SAP30BP: variants seen among roughly 807,000 people sequenced by gnomAD.
SAP30BP encodes the protein SAP30-binding protein.
Under a neutral mutation model 46.3 loss-of-function variants are expected in SAP30BP, and 31 were observed. The ratio of observed to expected loss-of-function variants is 0.67; its 90% CI spans 0.50 to 0.90. The LOEUF (loss-of-function observed/expected upper bound fraction) is 0.90, where lower values mean the gene tolerates loss of function less well. SAP30BP is among the 40% of genes least tolerant of loss of function. The probability of loss-of-function intolerance (pLI) is 0.00; values close to 1 mark genes in which losing one functional copy is unlikely to be tolerated. For synonymous variants in SAP30BP, 169 were observed against 144.2 expected (o/e 1.17, Z -1.23); for missense variants, 312 against 391.0 (o/e 0.80, Z 1.70).
Position 75,667,381 on chromosome 17 carries a change from G to T in SAP30BP, c.9G>T (p.Gly3=). The change falls in exon 1 of 11, where the codon GGG becomes GGT. Residue 3 remains glycine, a synonymous_variant. Coordinates refer to ENST00000584667, the MANE Select transcript of SAP30BP (RefSeq NM_013260.8). The stretch of plus-strand genomic sequence containing the variant: ...CGGGCTGTGGGAATAAGATGGCGGG[G>T]AAGAAGAATGTTCTGTCGTCTCTCG... The part of the protein sequence containing the change: MA[G]KKNVLSSLAV... The T allele has an allele frequency of 6.2e-7, 1 of 1,614,226 alleles. No individual in the cohort carries two copies. The highest frequency in any genetic ancestry group is 2.2e-5 in the East Asian group (1 of 44,888).
rs1201117707 is a variant in SAP30BP, at chr17:75,706,124, C to T, written c.745+32C>T. The T allele has an allele frequency of 2.5e-6, 4 of 1,598,346 alleles. No homozygotes were observed. Among genetic ancestry groups the T allele is most frequent in the Middle Eastern group, 3.3e-4 (2 of 6,068 alleles). ...TGCAGAGCTGCCCTGCCTCCTGCCACACACATGGAGCCAGGGTCTCCCTGG... is the reference window on the plus strand; with the variant it reads ...TGCAGAGCTGCCCTGCCTCCTGCCATACACATGGAGCCAGGGTCTCCCTGG... On this transcript the variant is annotated intron_variant, in intron 10 of 10. Coordinates refer to ENST00000584667, the MANE Select transcript of SAP30BP (RefSeq NM_013260.8). This position sits in a 1 kb window ranked among gnomAD's most constrained non-coding sequence, Gnocchi z 4.6.
chr17:75,702,544 A>G lies in SAP30BP; in HGVS notation c.461A>G (p.Gln154Arg). The part of the protein sequence containing the change: ...KEGMDMNYII[Q>R]RKKEFRNPSI... ...GGAATGGATATGAACTACATTATCC[A>G]AAGGAAGAAAGAATTTCGGAACCCT... Residue 154 changes from glutamine to arginine, a missense_variant, in exon 6 of 11, where the codon CAA becomes CGA. By Grantham distance (43) the Gln-to-Arg change is conservative. Around this residue, in one of 2 missense-constraint regions of SAP30BP, gnomAD observed 296 missense variants for 346.6 expected, o/e 0.85. Coordinates refer to ENST00000584667, the MANE Select transcript of SAP30BP (RefSeq NM_013260.8). 6.4e-7 allele frequency: 1 copy of G among 1,567,994 alleles called. No homozygotes were observed. Among genetic ancestry groups the G allele is most frequent in the South Asian group, 1.1e-5 (1 of 89,158 alleles).
intron 3 of SAP30BP, among the ~76,000 whole-genome samples, chr17:75,673,300 G>C (rs2059933989): frequency 6.6e-6 from 1 of 152,220 alleles, no homozygotes; most frequent in South Asian, 2.1e-4. Context: ...CCAGGCCTGA[G>C]AACTCGCCCT....
At chr17:75,702,318 C>A (rs2060424637) in intron 5 of SAP30BP, among the ~76,000 whole-genome samples, 162 bp from the exon 6 acceptor site, 1 of 151,400 alleles carries the variant, frequency 6.6e-6, no homozygotes, top group African/African-American at 2.4e-5. Context: ...GCCACCGTGC[C>A]TGGCTGAGGA....
intron 3 of SAP30BP, chr17:75,692,683 C>G (rs991612671): frequency 8.5e-5 from 16 of 189,240 alleles, no homozygotes; most frequent in Non-Finnish European, 4.9e-5. Context: ...AGCCTTTGCT[C>G]TCAGGTTTCT....
intron 3 of SAP30BP, chr17:75,683,696 T>G (rs1192252971): frequency 6.6e-6 from 1 of 152,230 alleles, no homozygotes. Flanking sequence ...TCCACATGGT[T>G]GTTCCCCCAG....
chr17:75,674,292 ATTTAT>A (rs1212158618), intron 3 of SAP30BP, among the ~76,000 whole-genome samples: 1 of 151,684 alleles, frequency 6.6e-6, no homozygotes. Context: ...ATTTTTATTT[ATTTAT>A]TTTATTTATT....
In SAP30BP at chr17:75,668,629, G is replaced by C. The variant is rs924829739; in HGVS notation, c.216+4G>C. The stretch of plus-strand genomic sequence containing the variant: ...AGATGAGAACAGTAGACAGTCGGTA[G>C]GTAAATCTCCCAGATCCAGAGCTAC... On this transcript the variant is annotated splice_donor_region_variant and intron_variant, in intron 2 of 10. Coordinates refer to ENST00000584667, the MANE Select transcript of SAP30BP (RefSeq NM_013260.8). 6.4e-7 allele frequency: 1 copy of C among 1,560,170 alleles called. No individual in the cohort carries two copies. Among genetic ancestry groups the C allele is most frequent in the African/African-American group, 1.4e-5 (1 of 73,212 alleles).
chr17:75,689,886 G>A (rs2148401766), intron 3 of SAP30BP, among the ~76,000 whole-genome samples: 1 of 152,214 alleles, frequency 6.6e-6, no homozygotes, highest in Admixed American at 6.5e-5. Flanking sequence ...TTTAATAATC[G>A]AGCCTTTCTT....
chr17:75,688,349 T>C (rs1195110459), intron 3 of SAP30BP, among the ~76,000 whole-genome samples: 1 of 152,128 alleles, frequency 6.6e-6, no homozygotes, highest in African/African-American at 2.4e-5. Flanking sequence ...AAAGGAGTCA[T>C]TTTACTAATC....
In SAP30BP at chr17:75,671,837, GAA is replaced by G; in HGVS notation, c.242_243del (p.Lys81ThrfsTer2). 2.5e-6 allele frequency: 4 copies of G among 1,613,820 alleles called. No individual in the cohort carries two copies. Among genetic ancestry groups the G allele is most frequent in the Non-Finnish European group, 3.4e-6 (4 of 1,179,770 alleles). The stretch of plus-strand genomic sequence containing the variant: ...GTAGGAAGATGACGATTCAGAGACT[GAA>G]AAACCTGAGGCTGATGACCCAAAGG... The part of the protein sequence containing the change: ...RQSEDDDSET[E>X]KPEADDPKDN... On this transcript the variant is annotated frameshift_variant, in exon 3 of 11. Coordinates refer to ENST00000584667, the MANE Select transcript of SAP30BP (RefSeq NM_013260.8). LOFTEE classifies it high-confidence loss of function.
At chr17:75,674,690 G>GTTTGTTTTTTTTTTT (rs2059958498) in intron 3 of SAP30BP, among the ~76,000 whole-genome samples, 5 of 39,576 alleles carry the variant, frequency 1.3e-4, no homozygotes, top group African/African-American at 2.6e-4. Flanking sequence ...TTTTTTGTTT[G>GTTTGTTTTTTTTTTT]TTTTTTGTTT....
At chr17:75,675,846 G>A (rs2059981967) in intron 3 of SAP30BP, among the ~76,000 whole-genome samples, 1 of 152,232 alleles carries the variant, frequency 6.6e-6, no homozygotes, top group Non-Finnish European at 1.5e-5. Context: ...GAGCCTGGGA[G>A]GTAGAGGTTG....
intron 3 of SAP30BP, among the ~76,000 whole-genome samples, chr17:75,683,349 AAATAAT>A (rs758132585): frequency 4.6e-5 from 7 of 151,426 alleles, no homozygotes; most frequent in African/African-American, 9.7e-5. Context: ...GCTTGGTAAA[AAATAAT>A]AATAATAATA....
intron 3 of SAP30BP, among the ~76,000 whole-genome samples, chr17:75,690,263 G>C (rs1378111440): frequency 6.6e-6 from 1 of 152,128 alleles, no homozygotes; most frequent in East Asian, 1.9e-4. Flanking sequence ...TGGTAAGAGG[G>C]CATCTCTTTA....
At chr17:75,693,248 G>T (rs964209487) in intron 3 of SAP30BP, 192 bp from the exon 4 acceptor site, 1 of 578,922 alleles carries the variant, frequency 1.7e-6, no homozygotes, top group African/African-American at 1.9e-5. Context: ...GCATCCGGCT[G>T]CTGCGATGCG....
At chr17:75,667,594 G>T (rs946215568) in intron 1 of SAP30BP, 116 bp downstream of exon 1, 1 of 878,006 alleles carries the variant, frequency 1.1e-6, no homozygotes, top group South Asian at 1.5e-5. Context: ...GGACCCCGAA[G>T]AATGGTCCAG....
chr17:75,675,198 T>C (rs1223585626), intron 3 of SAP30BP, among the ~76,000 whole-genome samples: 2 of 152,216 alleles, frequency 1.3e-5, no homozygotes, highest in African/African-American at 4.8e-5. Context: ...TTGCCCAAGC[T>C]GGAGTGCAAT....
intron 3 of SAP30BP, among the ~76,000 whole-genome samples, chr17:75,689,955 A>G (rs2060217791): frequency 2.0e-5 from 3 of 152,138 alleles, no homozygotes; most frequent in Admixed American, 6.5e-5. Flanking sequence ...ACTTCTATCA[A>G]TTAAAAGATT....
Sources: allele counts gnomAD v4.1 joint callset (sites outside exome capture counted in the v4.1 genomes callset), GRCh38; gene constraint gnomAD v4.1.1; regional missense constraint gnomAD v4.1.1; non-coding constraint Gnocchi (gnomAD v3.1); transcripts MANE v1.5; gene names NCBI Gene and HGNC (gene_info 2026-07-23, HGNC 2026-07-21).